Variants in HPSE2 observed in about 807,000 individuals in gnomAD.
The protein encoded by HPSE2 is heparanase 2 (inactive), also known as inactive heparanase-2.
A neutral mutation model predicts 60.5 loss-of-function variants in HPSE2; 38 were observed. The observed-to-expected ratio is 0.63, with a 90% CI of 0.48 to 0.82. The LOEUF (loss-of-function observed/expected upper bound fraction) is 0.82, where lower values mean the gene tolerates loss of function less well. HPSE2 is among the 40% of genes least tolerant of loss of function. The pLI is 0.00. For synonymous variants in HPSE2, 295 were observed against 293.2 expected, an observed-to-expected ratio of 1.01 and a Z score of -0.06; for missense variants, 713 against 740.4, an observed-to-expected ratio of 0.96 and a Z score of 0.43.
At chr10:98,863,665 T>C (rs1365923392) in intron 3 of HPSE2, among the ~76,000 whole-genome samples, 5 of 152,200 alleles carry the variant, frequency 3.3e-5, no homozygotes, top group African/African-American at 1.2e-4. Context: ...AGCTACCCTA[T>C]GGGTTAAATA....
At chr10:98,794,682 T>A (rs1459599285) in intron 3 of HPSE2, among the ~76,000 whole-genome samples, 1 of 152,150 alleles carries the variant, frequency 6.6e-6, no homozygotes, top group Non-Finnish European at 1.5e-5. Flanking sequence ...TTCTTTGAGA[T>A]TAGATTCAGG....
At chr10:99,213,993 T>G (rs1295924232) in intron 2 of HPSE2, among the ~76,000 whole-genome samples, 2 of 152,144 alleles carry the variant, frequency 1.3e-5, no homozygotes, top group African/African-American at 4.8e-5. Context: ...TATGAAAAAC[T>G]CTTACAACTC....
At chr10:98,509,303 C>T (rs189135752) in intron 9 of HPSE2, among the ~76,000 whole-genome samples, 296 of 151,196 alleles carry the variant, frequency 2.0e-3, no homozygotes, top group African/African-American at 5.7e-3. Context: ...ACAGAGACTC[C>T]GTCTCAAAAA....
chr10:98,752,145 T>C (rs1460520731), intron 3 of HPSE2, among the ~76,000 whole-genome samples: 2 of 152,158 alleles, frequency 1.3e-5, no homozygotes, highest in Admixed American at 1.3e-4. Flanking sequence ...TATCTAGGTT[T>C]ATGAAAGGAA....
In HPSE2 at chr10:98,721,761, G is replaced by C. The variant is rs1298644660; in HGVS notation, c.852C>G (p.Ile284Met). The C allele has an allele frequency of 6.2e-7, 1 of 1,613,648 alleles. No homozygotes were observed. Among genetic ancestry groups the C allele is most frequent in the Non-Finnish European group, 8.5e-7 (1 of 1,179,822 alleles). Reference protein sequence around the residue: ...VNGSQLGKDYIQLKSLLQPIR... With the variant: ...VNGSQLGKDYMQLKSLLQPIR... The stretch of plus-strand genomic sequence containing the variant: ...TGGGCTGCAACAGGCTCTTCAGCTG[G>C]ATGTAATCCTTTCCCAACTGGCTGC... Residue 284 changes from isoleucine to methionine, a missense_variant, in exon 5 of 12, where the codon ATC (isoleucine) becomes ATG (methionine). Transcript: ENST00000370552.
intron 9 of HPSE2, among the ~76,000 whole-genome samples, chr10:98,611,479 A>C (rs1186207451): frequency 6.6e-6 from 1 of 152,216 alleles, no homozygotes; most frequent in Non-Finnish European, 1.5e-5. Context: ...GGCAAAATGC[A>C]ACTCACTAAT....
intron 3 of HPSE2, among the ~76,000 whole-genome samples, chr10:98,872,071 T>C (rs1317971485): frequency 1.3e-5 from 2 of 152,092 alleles, no homozygotes; most frequent in Admixed American, 6.6e-5. Context: ...TATATACCAC[T>C]GTATCCACCA....
intron 2 of HPSE2, among the ~76,000 whole-genome samples, chr10:99,216,542 A>G (rs1254332735): frequency 6.6e-6 from 1 of 152,156 alleles, no homozygotes; most frequent in Non-Finnish European, 1.5e-5. Context: ...TAATAACAAC[A>G]GTAAATTTGT....
At chr10:98,775,997 T>C (rs995067603) in intron 3 of HPSE2, among the ~76,000 whole-genome samples, 1 of 152,190 alleles carries the variant, frequency 6.6e-6, no homozygotes, top group Non-Finnish European at 1.5e-5. Flanking sequence ...AAACTCTTCC[T>C]AGATTTGTCC....
At chr10:99,136,692 C>A (rs547751750) in intron 3 of HPSE2, among the ~76,000 whole-genome samples, 1 of 152,106 alleles carries the variant, frequency 6.6e-6, no homozygotes, top group Non-Finnish European at 1.5e-5. Context: ...ATTCAACACC[C>A]CTTCATGCTA....
At chr10:99,237,125 C>A (rs569156274), upstream of HPSE2, among the ~76,000 whole-genome samples, 5 of 152,276 alleles carry the variant, frequency 3.3e-5, no homozygotes, top group African/African-American at 1.2e-4. Flanking sequence ...TAGGTCCTAT[C>A]CTGAAGCGCG....
At chr10:98,528,738 G>A (rs1002727140) in intron 9 of HPSE2, among the ~76,000 whole-genome samples, 1 of 152,242 alleles carries the variant, frequency 6.6e-6, no homozygotes, top group African/African-American at 2.4e-5. Context: ...TCCGAGGGAA[G>A]TGCTGTGCAT....
At chr10:98,997,844 G>T (rs1171285901) in intron 3 of HPSE2, among the ~76,000 whole-genome samples, 1 of 152,216 alleles carries the variant, frequency 6.6e-6, no homozygotes, top group Non-Finnish European at 1.5e-5. Flanking sequence ...CCAAAGTGAA[G>T]ACGAGGAAGG....
chr10:98,696,504 C>T (rs1189972643), intron 5 of HPSE2, among the ~76,000 whole-genome samples: 1 of 152,148 alleles, frequency 6.6e-6, no homozygotes, highest in East Asian at 1.9e-4. Context: ...AGTGAGTGTG[C>T]TACCCAGCCT....
intron 2 of HPSE2, among the ~76,000 whole-genome samples, chr10:99,172,533 C>A (rs939682864): frequency 1.9e-4 from 29 of 152,126 alleles, no homozygotes; most frequent in African/African-American, 6.8e-4. Flanking sequence ...TCCTATCTAC[C>A]CTCAAGGAGC....
chr10:98,960,427 CT>C (rs1235911319), intron 3 of HPSE2, among the ~76,000 whole-genome samples: 1 of 152,008 alleles, frequency 6.6e-6, no homozygotes, highest in African/African-American at 2.4e-5. Flanking sequence ...ATAAAGTTTA[CT>C]TTCTAAATTC....
intron 4 of HPSE2, among the ~76,000 whole-genome samples, chr10:98,725,490 AAGATGGATTAAAG>A (rs1949049220): frequency 6.6e-6 from 1 of 152,232 alleles, no homozygotes; most frequent in East Asian, 1.9e-4. Flanking sequence ...AAATTAATTC[AAGATGGATTAAAG>A]ACTTAAATGT....
the HPSE2 span, among the ~76,000 whole-genome samples, chr10:99,274,911 G>A: frequency 1.3e-5 from 2 of 152,168 alleles, no homozygotes; most frequent in Non-Finnish European, 2.9e-5. Context: ...ACTTACATAG[G>A]TGTAACGTTT....
chr10:98,820,001 C>A (rs1951387175), intron 3 of HPSE2, among the ~76,000 whole-genome samples: 1 of 152,104 alleles, frequency 6.6e-6, no homozygotes, highest in Non-Finnish European at 1.5e-5. Context: ...CTTCCATCCT[C>A]ACAGAATGTA....
Sources: gnomAD v4.1 joint callset for allele counts (sites outside exome capture counted in the v4.1 genomes callset) on GRCh38, gnomAD v4.1.1 for gene constraint, MANE v1.5 for transcripts, NCBI Gene and HGNC (gene_info 2026-07-23, HGNC 2026-07-21) for gene names.